The following ANKRD27 variants were observed in gnomAD, a reference collection of about 807,000 sequenced individuals.
The protein encoded by ANKRD27 is ankyrin repeat domain-containing protein 27.
In ANKRD27, 112 loss-of-function variants were observed where a neutral mutation model predicts 129.7. The observed-to-expected ratio is 0.86, with a 90% confidence interval of 0.74 to 1.01. The LOEUF (loss-of-function observed/expected upper bound fraction) is 1.01, where lower values mean the gene tolerates loss of function less well. ANKRD27 is among the 50% of genes least tolerant of loss of function. The pLI is 0.00. For missense variants in ANKRD27, 1,258 were observed against 1,300.5 expected, an observed-to-expected ratio of 0.97 and a Z score of 0.50; for synonymous variants, 516 against 511.2, an observed-to-expected ratio of 1.01 and a Z score of -0.13.
Position 32,625,855 on chromosome 19 carries a change from A to C in ANKRD27, c.1629+19T>G, listed in dbSNP as rs367849918. Reference sequence around the variant, plus strand: ...GAAAGGGTGAACGCAGCCCCCCCGGAACAGCAAGAGCCACTCACGTCCTCG... The same window carrying C: ...GAAAGGGTGAACGCAGCCCCCCCGGCACAGCAAGAGCCACTCACGTCCTCG... On this transcript the variant is annotated intron_variant, in intron 17 of 28. Transcript: ENST00000306065. 888 of 1,557,252 alleles carry C rather than the reference A, an allele frequency of 5.7e-4. 1 individual carries two copies. Among genetic ancestry groups the C allele is most frequent in the Non-Finnish European group, 7.0e-4 (806 of 1,155,106 alleles).
chr19:32,602,439 G>A (rs1463719543), intron 25 of ANKRD27, among the ~76,000 whole-genome samples: 1 of 152,020 alleles, frequency 6.6e-6, no homozygotes, highest in Non-Finnish European at 1.5e-5. Flanking sequence ...GCTGTTGAGG[G>A]CCCCCATATA....
At chr19:32,649,357 G>A (rs1420189822) in intron 3 of ANKRD27, among the ~76,000 whole-genome samples, 1 of 152,156 alleles carries the variant, frequency 6.6e-6, no homozygotes, top group Non-Finnish European at 1.5e-5. Context: ...TCACGGCACT[G>A]GGATAAAACA....
chr19:32,669,991 G>A (rs1245699168), intron 1 of ANKRD27, among the ~76,000 whole-genome samples: 2 of 137,588 alleles, frequency 1.5e-5, no homozygotes, highest in East Asian at 2.3e-4. Context: ...CTGAGATCCC[G>A]TCACAAAAAA....
chr19:32,659,085 G>C (rs259252), intron 1 of ANKRD27, 40 bp from the exon 2 acceptor site: 77,447 of 1,033,586 alleles, frequency 0.075, 3,240 homozygotes, highest in Middle Eastern at 0.12. Context: ...AGCCATTTTC[G>C]AGTTTACGTA....
intron 13 of ANKRD27, 80 bp from the exon 14 acceptor site, chr19:32,628,929 T>C (rs1321256612): frequency 1.9e-6 from 3 of 1,550,554 alleles, no homozygotes; most frequent in Admixed American, 1.7e-5. Flanking sequence ...GAGTCCTTTT[T>C]GGTTTTTTTG....
intron 20 of ANKRD27, 143 bp downstream of exon 20, chr19:32,619,117 G>T: frequency 8.6e-7 from 1 of 1,166,636 alleles, no homozygotes; most frequent in Non-Finnish European, 1.2e-6. Context: ...CACCAACCTC[G>T]GCCACCACAG....
chr19:32,628,613 G>A (rs759459708), intron 14 of ANKRD27, 109 bp downstream of exon 14: 57 of 1,387,060 alleles, frequency 4.1e-5, no homozygotes, highest in Non-Finnish European at 5.4e-5. Flanking sequence ...GCAGCTGGGG[G>A]GCAGGGAGGA....
rs1199119543 is a variant in ANKRD27 at position 32,649,275 on chromosome 19, A to G, written c.213+407T>C. Among the ~76,000 whole-genome samples, 3 of 152,256 alleles carry G rather than the reference A, an allele frequency of 2.0e-5. No homozygotes were observed. The South Asian group carries it at 6.2e-4, about 32-fold the overall frequency. On this transcript the variant is annotated intron_variant, in intron 3 of 28. Transcript: ENST00000306065. ...GGCGTAGGCCACCATGTCCAGCTGA[A>G]ACAAAAAGCTTTTAAAAACTAAAAT...
intron 17 of ANKRD27, among the ~76,000 whole-genome samples, chr19:32,623,732 G>T (rs1972048916): frequency 6.6e-6 from 1 of 151,838 alleles, no homozygotes; most frequent in Non-Finnish European, 1.5e-5. Flanking sequence ...TATTTTTTTA[G>T]TAGAGACAGG....
intron 17 of ANKRD27, among the ~76,000 whole-genome samples, chr19:32,624,593 C>T (rs1972062258): frequency 1.3e-5 from 2 of 152,108 alleles, no homozygotes; most frequent in South Asian, 4.1e-4. Flanking sequence ...AAAAAATAAG[C>T]ACATAGTGGT....
intron 25 of ANKRD27, 112 bp downstream of exon 25, chr19:32,604,151 G>T: frequency 1.6e-6 from 2 of 1,260,982 alleles, no homozygotes; most frequent in Non-Finnish European, 2.1e-6. Flanking sequence ...CGCCCAGCCC[G>T]GCGATGCCAA....
intron 17 of ANKRD27, among the ~76,000 whole-genome samples, chr19:32,625,062 C>G (rs1972068740): frequency 6.6e-6 from 1 of 152,088 alleles, no homozygotes; most frequent in Non-Finnish European, 1.5e-5. Flanking sequence ...TCCAGACCAG[C>G]CTGGCCAACA....
intron 3 of ANKRD27, among the ~76,000 whole-genome samples, chr19:32,647,387 G>A (rs544788405): frequency 1.3e-5 from 2 of 152,334 alleles, no homozygotes; most frequent in East Asian, 3.9e-4. Context: ...TTTTTTCACT[G>A]TTGATGTTAA....
intron 1 of ANKRD27, among the ~76,000 whole-genome samples, chr19:32,667,095 T>C (rs1326834740): frequency 6.6e-6 from 1 of 152,208 alleles, no homozygotes; most frequent in East Asian, 1.9e-4. Context: ...GTACTGCATA[T>C]CAACATAGCA....
rs6510272 is a variant in ANKRD27, at chr19:32,626,936, C to A, written c.1421-109G>T. On this transcript the variant is annotated intron_variant, in intron 15 of 28. Transcript: ENST00000306065. ...ACCCTCCTAGTCCTGGGCATGAAAC[C>A]CACGGTAGATACTTTTTCTGCTAGA... 411,692 of 639,772 alleles carry A rather than the reference C, an allele frequency of 0.64. 134,600 individuals are homozygous for A. The highest frequency in any genetic ancestry group is 0.83 in the African/African-American group (44,214 of 53,444). The allele number at this position is 639,772 out of a possible 1,614,324, so 39.6% of individuals were successfully genotyped here.
At chr19:32,642,950 C>T in intron 9 of ANKRD27, 173 bp downstream of exon 9, 2 of 658,618 alleles carry the variant, frequency 3.0e-6, no homozygotes, top group Non-Finnish European at 5.2e-6. Context: ...CGGCCACACA[C>T]AGTCACCTAT....
At chr19:32,673,701 G>A (rs1967916676) in intron 1 of ANKRD27, among the ~76,000 whole-genome samples, 1 of 152,164 alleles carries the variant, frequency 6.6e-6, no homozygotes, top group African/African-American at 2.4e-5. Context: ...TCAAGGCCAG[G>A]AGTACCCAAG....
chr19:32,619,990 T>C (rs1971983723), intron 18 of ANKRD27, among the ~76,000 whole-genome samples: 1 of 151,994 alleles, frequency 6.6e-6, no homozygotes, highest in South Asian at 2.1e-4. Flanking sequence ...GCCTCTCTTT[T>C]CCTCTGCAGA....
intron 9 of ANKRD27, 102 bp downstream of exon 9, chr19:32,643,021 T>A: frequency 8.7e-7 from 1 of 1,144,292 alleles, no homozygotes; most frequent in Non-Finnish European, 1.3e-6. Flanking sequence ...ACTAACCACA[T>A]CAAACCAGCG....
Sources: allele counts gnomAD v4.1 joint callset (sites outside exome capture counted in the v4.1 genomes callset), GRCh38; gene constraint gnomAD v4.1.1; transcripts MANE v1.5; gene names NCBI Gene and HGNC (gene_info 2026-07-23, HGNC 2026-07-21).